PTPRG: variants seen among roughly 807,000 people sequenced by gnomAD.
PTPRG encodes receptor-type tyrosine-protein phosphatase gamma.
In PTPRG, 102 loss-of-function variants were observed where a neutral mutation model predicts 165.3. The ratio of observed to expected loss-of-function variants is 0.62; its 90% confidence interval spans 0.53 to 0.73. The LOEUF is 0.73. PTPRG is among the 30% of genes least tolerant of loss of function. The pLI is 0.00. For missense variants in PTPRG, 1,866 were observed against 1,861.4 expected (o/e 1.00, Z -0.05); for synonymous variants, 675 against 669.5 (o/e 1.01, Z -0.13).
At chr3:61,582,190 A>G (rs541088636) in intron 1 of PTPRG, among the ~76,000 whole-genome samples, 93 of 150,102 alleles carry the variant, frequency 6.2e-4, no homozygotes, top group African/African-American at 2.3e-3. Flanking sequence ...CCGGTCTCAA[A>G]CTCCTGGTCT....
At chr3:62,279,443 G>T (rs188086897) in intron 26 of PTPRG, among the ~76,000 whole-genome samples, 1 of 151,996 alleles carries the variant, frequency 6.6e-6, no homozygotes, top group Non-Finnish European at 1.5e-5. Flanking sequence ...TATCATCATA[G>T]TATTTCTTTA....
At chr3:61,959,672 C>T (rs557163621) in intron 2 of PTPRG, among the ~76,000 whole-genome samples, 3 of 152,258 alleles carry the variant, frequency 2.0e-5, no homozygotes, top group South Asian at 2.1e-4. Context: ...TGGAGAATGA[C>T]TAATTTGATG....
intron 2 of PTPRG, among the ~76,000 whole-genome samples, chr3:61,900,037 T>C (rs190416482): frequency 6.6e-6 from 1 of 152,206 alleles, no homozygotes; most frequent in Non-Finnish European, 1.5e-5. Flanking sequence ...GTCTGTTTTT[T>C]AAAAAATGTA....
intron 2 of PTPRG, among the ~76,000 whole-genome samples, chr3:61,847,784 A>C (rs1055067818): frequency 6.6e-6 from 1 of 152,260 alleles, no homozygotes. Context: ...GGGCTGGTCA[A>C]CATGTCCAGA....
chr3:61,877,958 C>T (rs1051089555), intron 2 of PTPRG, among the ~76,000 whole-genome samples: 3 of 152,160 alleles, frequency 2.0e-5, no homozygotes, highest in African/African-American at 7.2e-5. Flanking sequence ...ATTAGCTCCT[C>T]GCACAATAGA....
chr3:61,807,673 A>C (rs2035455883), intron 2 of PTPRG, among the ~76,000 whole-genome samples: 1 of 152,220 alleles, frequency 6.6e-6, no homozygotes, highest in Non-Finnish European at 1.5e-5. Context: ...TGTAAATGCC[A>C]TCTTGATAAC....
intron 1 of PTPRG, among the ~76,000 whole-genome samples, chr3:61,612,624 CCT>C (rs1041876571): frequency 6.6e-5 from 10 of 152,128 alleles, no homozygotes; most frequent in African/African-American, 2.2e-4. Flanking sequence ...CTATTTTGTT[CCT>C]CTGTTTTTTT....
intron 2 of PTPRG, among the ~76,000 whole-genome samples, chr3:61,866,649 G>T (rs2037419705): frequency 1.5e-5 from 2 of 130,774 alleles, no homozygotes; most frequent in Admixed American, 1.9e-4. Flanking sequence ...CACCAGGCTG[G>T]AGTGCAGTGG....
Position 62,281,598 on chromosome 3 carries a change from A to G in PTPRG, c.3801A>G (p.Glu1267=). The change falls in exon 27 of 30, where the codon GAA becomes GAG. Residue 1267 remains glutamate (E), a synonymous_variant. Coordinates refer to ENST00000474889, the MANE Select transcript of PTPRG (RefSeq NM_002841.4). ...EDEFVYWPSR[E]ESMNCEAFTV... is the part of the protein sequence containing the mutation. ...AGTTTGTGTACTGGCCAAGTCGAGA[A>G]GAATCCATGAACTGTGAGGCCTTTA... 6.8e-7 allele frequency: 1 copy of G among 1,466,166 alleles called. No individual in the cohort carries two copies. Among genetic ancestry groups the G allele is most frequent in the Non-Finnish European group, 9.1e-7 (1 of 1,093,260 alleles). The allele number at this position is 1,466,166 out of a possible 1,614,324, so 90.8% of individuals were successfully genotyped here. A position where few individuals can be genotyped will look rare whatever the true frequency, so the allele number is the denominator to read the frequency against.
chr3:62,111,734 C>A (rs1035182172), intron 5 of PTPRG, among the ~76,000 whole-genome samples: 5 of 152,308 alleles, frequency 3.3e-5, no homozygotes, highest in Middle Eastern at 3.4e-3. Context: ...TAGGCGTGAG[C>A]CACCACCGGG....
intron 2 of PTPRG, among the ~76,000 whole-genome samples, chr3:61,890,072 C>T (rs1009391445): frequency 2.0e-5 from 3 of 152,170 alleles, no homozygotes; most frequent in Admixed American, 6.5e-5. Flanking sequence ...GTTTTTCCCA[C>T]TTAAGCTTTT....
intron 4 of PTPRG, among the ~76,000 whole-genome samples, chr3:62,059,110 G>A (rs1460409445): frequency 6.6e-6 from 1 of 152,226 alleles, no homozygotes; most frequent in East Asian, 1.9e-4. Flanking sequence ...TGTTCTTGAA[G>A]CAGTTTCTTA....
chr3:61,687,854 C>CT (rs892598616), intron 1 of PTPRG, among the ~76,000 whole-genome samples: 3 of 151,966 alleles, frequency 2.0e-5, no homozygotes, highest in Admixed American at 6.6e-5. Flanking sequence ...AGGATTATGA[C>CT]TTTTTTTTGT....
chr3:61,728,889 A>AG lies in PTPRG; in HGVS notation c.86-19989_86-19988insG, dbSNP rs1553656269. Among the ~76,000 whole-genome samples the AG allele has an allele frequency of 6.6e-5, 10 of 150,638 alleles. 1 individual carries two copies. In the South Asian group the frequency reaches 1.5e-3, roughly 22 times the overall value. On this transcript the variant is annotated intron_variant, in intron 1 of 29. Coordinates refer to ENST00000474889, the MANE Select transcript of PTPRG (RefSeq NM_002841.4). Reference sequence around the variant, plus strand: ...TAATCTGTACCAAAAAAAAAAAAAAAAAAGAAAGAAAGAAAGAAAAAAATT... The same window carrying AG: ...TAATCTGTACCAAAAAAAAAAAAAAAGAAAGAAAGAAAGAAAGAAAAAAATT...
intron 1 of PTPRG, among the ~76,000 whole-genome samples, chr3:61,631,698 G>C (rs1219275768): frequency 3.9e-5 from 6 of 152,128 alleles, no homozygotes; most frequent in Admixed American, 1.3e-4. Flanking sequence ...TTCAAAAGTA[G>C]TTTAAATACT....
chr3:61,985,147 A>G (rs922530183), intron 2 of PTPRG, among the ~76,000 whole-genome samples: 1 of 152,228 alleles, frequency 6.6e-6, no homozygotes. Context: ...TTCTTGCCAG[A>G]GGGGCGAACT....
At chr3:62,260,197 C>T (rs1443079655) in intron 16 of PTPRG, among the ~76,000 whole-genome samples, 1 of 152,154 alleles carries the variant, frequency 6.6e-6, no homozygotes, top group Admixed American at 6.5e-5. Flanking sequence ...TGTAGGCTGC[C>T]TGAACTCAGG....
At chr3:62,042,039 G>A (rs976495031) in intron 4 of PTPRG, among the ~76,000 whole-genome samples, 6 of 152,194 alleles carry the variant, frequency 3.9e-5, no homozygotes, top group Non-Finnish European at 8.8e-5. Flanking sequence ...AGGGAATGGG[G>A]AAGTGAGGTC....
chr3:61,869,925 AC>A (rs2037517874), intron 2 of PTPRG, among the ~76,000 whole-genome samples: 1 of 151,962 alleles, frequency 6.6e-6, no homozygotes, highest in South Asian at 2.1e-4. Context: ...TGACTACGTC[AC>A]CTAAATGCTC....
Sources: gnomAD v4.1 joint callset for allele counts (sites outside exome capture counted in the v4.1 genomes callset) on GRCh38, gnomAD v4.1.1 for gene constraint, MANE v1.5 for transcripts, NCBI Gene and HGNC (gene_info 2026-07-23, HGNC 2026-07-21) for gene names.